SFSWAP: variants seen among roughly 807,000 people sequenced by gnomAD.
SFSWAP encodes splicing factor SWAP, also known as splicing factor, suppressor of white-apricot homolog.
In SFSWAP, 17 loss-of-function variants were observed where a neutral mutation model predicts 100.7. The observed-to-expected ratio is 0.17, with a 90% CI of 0.12 to 0.25. SFSWAP has a LOEUF of 0.25. Ranked by LOEUF, SFSWAP falls within the 10% of genes least tolerant of loss-of-function variation. The probability of loss-of-function intolerance (pLI) is 1.00; values close to 1 mark genes in which losing one functional copy is unlikely to be tolerated. For missense variants in SFSWAP, 1,005 were observed against 1,262.6 expected (o/e 0.80, Z 3.09); for synonymous variants, 504 against 510.1 (o/e 0.99, Z 0.16).
At chr12:131,785,336 C>T (rs949371079) in intron 14 of SFSWAP, 2 of 1,060,972 alleles carry the variant, frequency 1.9e-6, no homozygotes, top group African/African-American at 1.6e-5. Context: ...CCTGGCCCTC[C>T]AGGATGCCGG....
chr12:131,789,528 C>T (rs2136274838), intron 15 of SFSWAP, among the ~76,000 whole-genome samples: 1 of 152,124 alleles, frequency 6.6e-6, no homozygotes, highest in South Asian at 2.1e-4. Flanking sequence ...AGAGTGAAAC[C>T]CTCTCTTTCA....
chr12:131,743,577 G>C (rs1325132153), intron 7 of SFSWAP, among the ~76,000 whole-genome samples: 2 of 152,234 alleles, frequency 1.3e-5, no homozygotes, highest in Non-Finnish European at 2.9e-5. Context: ...GCTCTGCAGG[G>C]TACAACCTCC....
At chr12:131,781,234 A>ATTTTTT (rs66608201) in intron 14 of SFSWAP, among the ~76,000 whole-genome samples, 4 of 102,294 alleles carry the variant, frequency 3.9e-5, no homozygotes, top group African/African-American at 1.0e-4. Context: ...ATATCTTATT[A>ATTTTTT]TTTTTTTTTT....
At chr12:131,759,899 G>A (rs1003381592) in intron 11 of SFSWAP, among the ~76,000 whole-genome samples, 11 of 152,162 alleles carry the variant, frequency 7.2e-5, no homozygotes, top group African/African-American at 1.9e-4. Context: ...AGACCTTCTA[G>A]TATAGTTTAC....
At chr12:131,743,361 G>T (rs1593137805) in intron 7 of SFSWAP, among the ~76,000 whole-genome samples, 2 of 152,288 alleles carry the variant, frequency 1.3e-5, no homozygotes, top group East Asian at 3.9e-4. Context: ...AATATAATGG[G>T]GGTACAGGCA....
chr12:131,756,516 A>G lies in SFSWAP; in HGVS notation c.1592A>G (p.Glu531Gly). 1 of 1,614,146 alleles carries G rather than the reference A, an allele frequency of 6.2e-7. No homozygotes were observed. The highest frequency in any genetic ancestry group is 8.5e-7 in the Non-Finnish European group (1 of 1,180,036). Residue 531 changes from glutamate to glycine, a missense_variant, in exon 11 of 18, where the codon GAG becomes GGG. Transcript: ENST00000261674. The stretch of plus-strand genomic sequence containing the variant: ...GAGGCTCCCACAGACTCTGCTCCCG[A>G]GAAGCCAAGTGATGCTGGGGAGGAT... Reference protein sequence around the residue: ...PEEAPTDSAPEKPSDAGEDGA... With the variant: ...PEEAPTDSAPGKPSDAGEDGA...
At chr12:131,741,168 C>T (rs969097551) in intron 7 of SFSWAP, among the ~76,000 whole-genome samples, 2 of 151,850 alleles carry the variant, frequency 1.3e-5, no homozygotes, top group African/African-American at 4.8e-5. Flanking sequence ...GACAGGGTTT[C>T]ACCATCTTGG....
At chr12:131,785,347 G>A (rs1884817973) in intron 14 of SFSWAP, 2 of 903,822 alleles carry the variant, frequency 2.2e-6, no homozygotes, top group Non-Finnish European at 3.3e-6. Flanking sequence ...AGGATGCCGG[G>A]GTCTGAGTGA....
intron 3 of SFSWAP, 107 bp from the exon 4 acceptor site, chr12:131,719,347 T>G: frequency 1.3e-6 from 1 of 763,694 alleles, no homozygotes; most frequent in South Asian, 1.5e-5. Flanking sequence ...CAACAGAAGG[T>G]AAAGAAGCAG....
chr12:131,763,560 C>CTT (rs1882852211), intron 11 of SFSWAP, among the ~76,000 whole-genome samples: 1 of 152,072 alleles, frequency 6.6e-6, no homozygotes, highest in African/African-American at 2.4e-5. Flanking sequence ...TCTGGATATT[C>CTT]TAAGAGGAGG....
chr12:131,719,506 C>G lies in SFSWAP; in HGVS notation c.573C>G (p.Pro191=). 1 of 1,614,130 alleles carries G rather than the reference C, an allele frequency of 6.2e-7. No homozygotes were observed. Among genetic ancestry groups the G allele is most frequent in the Non-Finnish European group, 8.5e-7 (1 of 1,179,996 alleles). Residue 191 remains proline, a synonymous_variant, in exon 4 of 18, where the codon CCC becomes CCG. Transcript: ENST00000261674. ...LEENEEPFVA[P]LGLSVPSDVE... ...AAAATGAAGAGCCCTTCGTTGCCCC[C>G]TTAGGATTGAGCGTCCCGTCTGACG...
chr12:131,797,767 A>G (rs574942935), intron 16 of SFSWAP, among the ~76,000 whole-genome samples: 15 of 152,324 alleles, frequency 9.8e-5, no homozygotes, highest in African/African-American at 3.4e-4. Context: ...AATGACGCCA[A>G]CCTGTCACCG....
chr12:131,712,194 G>T (rs1007078175), intron 1 of SFSWAP: 1 of 152,190 alleles, frequency 6.6e-6, no homozygotes, highest in African/African-American at 2.4e-5. Context: ...GGATATAGAT[G>T]TGTTGTTTCT....
rs1347517490 is a variant in SFSWAP, at chr12:131,711,499, C to G, written c.218+52C>G. 5 of 1,459,966 alleles carry G rather than the reference C, an allele frequency of 3.4e-6. No individual in the cohort carries two copies. Among genetic ancestry groups the G allele is most frequent in the Non-Finnish European group, 4.8e-6 (5 of 1,046,892 alleles). The allele number at this position is 1,459,966 out of a possible 1,614,324, so 90.4% of individuals were successfully genotyped here. On this transcript the variant is annotated intron_variant, in intron 1 of 17. Coordinates refer to ENST00000261674, the MANE Select transcript of SFSWAP (RefSeq NM_004592.4). The surrounding 1 kb of genome is among the most constrained non-coding windows in gnomAD (Gnocchi z 4.9). ...CCTTCCCTTCCCTCACCCGCTTGAT[C>G]TCGTCTGATGTTGACTTGACTGCAA...
chr12:131,787,814 C>T (rs753920507), intron 15 of SFSWAP, among the ~76,000 whole-genome samples: 39 of 152,182 alleles, frequency 2.6e-4, no homozygotes, highest in Admixed American at 2.0e-4. Context: ...GCAAGAAGAC[C>T]GTGCTGCGGT....
chr12:131,744,172 A>G (rs1011930826), intron 7 of SFSWAP, among the ~76,000 whole-genome samples: 14 of 152,250 alleles, frequency 9.2e-5, no homozygotes, highest in African/African-American at 2.7e-4. Context: ...TTGGGGATTC[A>G]CATTCGGCTC....
chr12:131,726,960 A>G lies in SFSWAP; in HGVS notation c.853A>G (p.Asn285Asp), dbSNP rs762199642. The G allele has an allele frequency of 1.9e-6, 3 of 1,601,150 alleles. No individual in the cohort carries two copies. The East Asian group carries it at 6.7e-5, about 36-fold the overall frequency. The change falls in exon 6 of 18, where the codon AAT becomes GAT. Residue 285 changes from asparagine to aspartate, a missense_variant. Asn to Asp is a conservative substitution (Grantham distance 23). Transcript: ENST00000261674. ...TTCAGAATCAGGAGTCAGCTCTGAC[A>G]ATGAAGATGATGATGATGAAGAAGA... ...EKKKSGVSSD[N>D]EDDDDEEDGN...
intron 11 of SFSWAP, among the ~76,000 whole-genome samples, chr12:131,760,491 A>G (rs1259209103): frequency 1.3e-5 from 2 of 152,246 alleles, no homozygotes; most frequent in South Asian, 2.1e-4. Context: ...AAAAAAAGTA[A>G]CAATGAGACA....
chr12:131,769,447 G>C (rs542075540), intron 13 of SFSWAP, among the ~76,000 whole-genome samples: 1 of 152,094 alleles, frequency 6.6e-6, no homozygotes, highest in African/African-American at 2.4e-5. Context: ...ATGACTATAC[G>C]TGTATGTCGT....
Sources: allele counts gnomAD v4.1 joint callset (sites outside exome capture counted in the v4.1 genomes callset), GRCh38; gene constraint gnomAD v4.1.1; non-coding constraint Gnocchi (gnomAD v3.1); transcripts MANE v1.5; gene names NCBI Gene and HGNC (gene_info 2026-07-23, HGNC 2026-07-21).